The following EPHB2 variants were observed in gnomAD, a reference collection of about 807,000 sequenced individuals.
EPHB2 encodes the protein EPH receptor B2, also known as ephrin type-B receptor 2.
In EPHB2, 18 loss-of-function variants were observed where a neutral mutation model predicts 96.4. The ratio of observed to expected loss-of-function variants is 0.19; its 90% CI spans 0.13 to 0.28. The LOEUF (loss-of-function observed/expected upper bound fraction) is 0.28, where lower values mean the gene tolerates loss of function less well. EPHB2 is among the 10% of genes least tolerant of loss of function. The probability of loss-of-function intolerance (pLI) is 1.00; values close to 1 mark genes in which losing one functional copy is unlikely to be tolerated. For missense variants in EPHB2, 989 were observed against 1,355.4 expected (o/e 0.73, Z 4.25); for synonymous variants, 506 against 534.1 (o/e 0.95, Z 0.72).
chr1:22,742,059 C>T (rs1362114741), intron 1 of EPHB2, among the ~76,000 whole-genome samples: 3 of 136,728 alleles, frequency 2.2e-5, no homozygotes, highest in South Asian at 2.7e-4. Flanking sequence ...ACAGCTTGCC[C>T]GAGGTCCCCT....
intron 3 of EPHB2, among the ~76,000 whole-genome samples, chr1:22,816,631 G>A (rs1429626052): frequency 3.3e-5 from 5 of 152,056 alleles, no homozygotes; most frequent in Non-Finnish European, 2.9e-5. Flanking sequence ...CCTGTCTCAC[G>A]TTGCTGATTA....
intron 3 of EPHB2, among the ~76,000 whole-genome samples, chr1:22,808,091 G>A (rs1244118740): frequency 6.6e-6 from 1 of 151,508 alleles, no homozygotes; most frequent in Non-Finnish European, 1.5e-5. Flanking sequence ...CCGAGATGGT[G>A]CCACTGCACT....
At chr1:22,910,710 T>G in intron 14 of EPHB2, 135 bp downstream of exon 14, 1 of 1,175,594 alleles carries the variant, frequency 8.5e-7, no homozygotes, top group Non-Finnish European at 1.2e-6. Flanking sequence ...TAGTGTTTAT[T>G]GGGTACCTGC....
intron 3 of EPHB2, among the ~76,000 whole-genome samples, chr1:22,839,903 A>G (rs1645440969): frequency 6.6e-6 from 1 of 152,154 alleles, no homozygotes; most frequent in African/African-American, 2.4e-5. Flanking sequence ...ACACTCCTTC[A>G]CTTGTAGCCC....
In EPHB2 at chr1:22,858,937, G is replaced by T. The variant is rs1246255161; in HGVS notation, c.812-4100G>T. The stretch of plus-strand genomic sequence containing the variant: ...ATACTGGGAGTTTACAGTCCAGCCA[G>T]GTAGACACATTCATAAGCAAGTAAT... On this transcript the variant is annotated intron_variant, in intron 3 of 15. Coordinates refer to ENST00000374630, the MANE Select transcript of EPHB2 (RefSeq NM_017449.5). The surrounding 1 kb of genome is among the most constrained non-coding windows in gnomAD (Gnocchi z 7.7). Among the ~76,000 whole-genome samples, 1 of 152,178 alleles carries T rather than the reference G, an allele frequency of 6.6e-6. No individual in the cohort carries two copies. The highest frequency in any genetic ancestry group is 6.5e-5 in the Admixed American group (1 of 15,284).
At chr1:22,773,728 C>T (rs1644409700) in intron 1 of EPHB2, among the ~76,000 whole-genome samples, 1 of 152,212 alleles carries the variant, frequency 6.6e-6, no homozygotes, top group African/African-American at 2.4e-5. Flanking sequence ...CTTAGCCCCA[C>T]ATTTGAGAGG....
intron 1 of EPHB2, among the ~76,000 whole-genome samples, chr1:22,752,995 G>A (rs1444303490): frequency 2.6e-5 from 4 of 151,734 alleles, no homozygotes; most frequent in African/African-American, 9.7e-5. Context: ...TGCCCAGGCT[G>A]CTCTTGAACT....
In EPHB2 at chr1:22,882,488, C is replaced by T. The variant is rs138163906; in HGVS notation, c.1428+5C>T. 1.2e-5 allele frequency: 19 copies of T among 1,613,792 alleles called. No individual in the cohort carries two copies. The East Asian group carries it at 4.2e-4, about 36-fold the overall frequency. On this transcript the variant is annotated splice_donor_5th_base_variant and intron_variant, in intron 6 of 15. Transcript: ENST00000374630. ...GAGCTGCAGTACTATGAGAAGGTACCTATTGGCTGGGTGCTGTCCCCATCA... is the reference window on the plus strand; with the variant it reads ...GAGCTGCAGTACTATGAGAAGGTACTTATTGGCTGGGTGCTGTCCCCATCA...
chr1:22,905,813 C>T (rs1002710531), intron 9 of EPHB2, among the ~76,000 whole-genome samples, 174 bp from the exon 10 acceptor site: 1 of 152,220 alleles, frequency 6.6e-6, no homozygotes, highest in African/African-American at 2.4e-5. Flanking sequence ...ACTCAGTTCA[C>T]GCCCATCTGC....
chr1:22,799,204 C>T (rs1557681074), intron 3 of EPHB2, among the ~76,000 whole-genome samples: 1 of 152,150 alleles, frequency 6.6e-6, no homozygotes. Context: ...ATGTGCCTAA[C>T]AGTCCCTGAT....
At chr1:22,756,452 G>A (rs537595736) in intron 1 of EPHB2, among the ~76,000 whole-genome samples, 315 of 152,244 alleles carry the variant, frequency 2.1e-3, no homozygotes, top group African/African-American at 7.1e-3. Context: ...CCTGAGTCCC[G>A]CCTGAGGTGT....
chr1:22,887,910 G>T (rs1191479435), intron 6 of EPHB2, among the ~76,000 whole-genome samples: 1 of 152,194 alleles, frequency 6.6e-6, no homozygotes, highest in Non-Finnish European at 1.5e-5. Context: ...TCAGCTTGTT[G>T]CCCAGTACCT....
intron 1 of EPHB2, among the ~76,000 whole-genome samples, chr1:22,759,735 C>A (rs1330221438): frequency 6.6e-6 from 1 of 152,208 alleles, no homozygotes; most frequent in Non-Finnish European, 1.5e-5. Context: ...CCATCCCCAG[C>A]CCCTTGAGTT....
intron 1 of EPHB2, among the ~76,000 whole-genome samples, chr1:22,737,408 AAACTCT>A (rs1443548180): frequency 6.6e-6 from 1 of 152,132 alleles, no homozygotes; most frequent in African/African-American, 2.4e-5. Flanking sequence ...GTCATCCCAC[AAACTCT>A]AGGTGGATGT....
rs547727469 is a variant in EPHB2, at chr1:22,846,660, A to G, written c.812-16377A>G. On this transcript the variant is annotated intron_variant, in intron 3 of 15. Transcript: ENST00000374630. This position sits in a 1 kb window ranked among gnomAD's most constrained non-coding sequence, Gnocchi z 4.3. ...GTTCCAGCTGCCTCAAACGAGCAGC[A>G]GGTCCTCAGCCTTGCCATGCAGTTT... Among the ~76,000 whole-genome samples, 2 of 152,296 alleles carry G rather than the reference A, an allele frequency of 1.3e-5. No homozygotes were observed. The highest frequency in any genetic ancestry group is 1.3e-4 in the Admixed American group (2 of 15,310).
chr1:22,774,358 G>A (rs1644418927), intron 1 of EPHB2, among the ~76,000 whole-genome samples: 2 of 152,274 alleles, frequency 1.3e-5, no homozygotes, highest in East Asian at 1.9e-4. Flanking sequence ...GGCACACATC[G>A]GGTGGAGGAG....
chr1:22,761,531 C>T (rs928942412), intron 1 of EPHB2, among the ~76,000 whole-genome samples: 7 of 152,198 alleles, frequency 4.6e-5, no homozygotes, highest in African/African-American at 9.6e-5. Flanking sequence ...TCAGCCACCC[C>T]GCTCTTGGGC....
intron 3 of EPHB2, among the ~76,000 whole-genome samples, chr1:22,799,809 C>T (rs1229917648): frequency 6.6e-6 from 1 of 152,132 alleles, no homozygotes; most frequent in Non-Finnish European, 1.5e-5. Flanking sequence ...AATTTTGGGC[C>T]CAGAGCCTCA....
intron 1 of EPHB2, among the ~76,000 whole-genome samples, chr1:22,775,711 G>A (rs1030222701): frequency 6.6e-6 from 1 of 152,234 alleles, no homozygotes; most frequent in Non-Finnish European, 1.5e-5. Flanking sequence ...TTTCTTCTGT[G>A]CAGCCTCCAG....
Sources: allele counts gnomAD v4.1 joint callset (sites outside exome capture counted in the v4.1 genomes callset), GRCh38; gene constraint gnomAD v4.1.1; non-coding constraint Gnocchi (gnomAD v3.1); transcripts MANE v1.5; gene names NCBI Gene and HGNC (gene_info 2026-07-23, HGNC 2026-07-21).